Variants in ARHGAP21 observed in about 807,000 individuals in gnomAD.
ARHGAP21 encodes rho GTPase-activating protein 21.
A neutral mutation model predicts 164.6 loss-of-function variants in ARHGAP21; 38 were observed. The ratio of observed to expected loss-of-function variants is 0.23; its 90% CI spans 0.18 to 0.30. The LOEUF (loss-of-function observed/expected upper bound fraction) is 0.30. Among genes scored for constraint, ARHGAP21 ranks in the 10% least tolerant of loss-of-function variants. ARHGAP21 has a pLI of 1.00. For missense variants in ARHGAP21, 1,822 were observed against 2,370.7 expected (o/e 0.77, Z 4.81); for synonymous variants, 766 against 857.9 (o/e 0.89, Z 1.87).
chr10:24,710,766 T>C (rs1484418405), intron 2 of ARHGAP21, among the ~76,000 whole-genome samples: 3 of 152,118 alleles, frequency 2.0e-5, no homozygotes, highest in East Asian at 3.9e-4. Context: ...TTATCATCAG[T>C]TGTAGGCAAA....
At chr10:24,705,188 T>C (rs1844114891) in intron 2 of ARHGAP21, among the ~76,000 whole-genome samples, 1 of 152,224 alleles carries the variant, frequency 6.6e-6, no homozygotes, top group African/African-American at 2.4e-5. Flanking sequence ...TGCTGTAAAC[T>C]AGTCACTAAA....
In ARHGAP21 at chr10:24,594,935, A is replaced by G; in HGVS notation, c.3876+15T>C. On this transcript the variant is annotated intron_variant, in intron 21 of 25. Coordinates refer to ENST00000396432, the MANE Select transcript of ARHGAP21 (RefSeq NM_020824.4). ...GCCACTAAAAGTACATTTCTTCAAT[A>G]AGCATTTTACATACCTTATTTTTTT... 6.3e-7 allele frequency: 1 copy of G among 1,579,472 alleles called. No individual in the cohort carries two copies. Among genetic ancestry groups the G allele is most frequent in the Non-Finnish European group, 8.7e-7 (1 of 1,152,050 alleles).
intron 2 of ARHGAP21, among the ~76,000 whole-genome samples, chr10:24,681,472 A>G (rs975702896): frequency 6.6e-6 from 1 of 152,184 alleles, no homozygotes; most frequent in Non-Finnish European, 1.5e-5. Context: ...ATCTTTTGTA[A>G]TTATTTGCAC....
rs909640570 is a variant in ARHGAP21 at position 24,667,001 on chromosome 10, T to A, written c.252A>T (p.Glu84Asp). The A allele has an allele frequency of 7.1e-7, 1 of 1,415,276 alleles. No homozygotes were observed. Among genetic ancestry groups the A allele is most frequent in the Non-Finnish European group, 9.7e-7 (1 of 1,030,310 alleles). The allele number at this position is 1,415,276 out of a possible 1,614,324, so 87.7% of individuals were successfully genotyped here. ...SAIQFSYKDE[E>D]NGNRGGKQRN... ...ATAGCATACCTCCTCTGTTTCCATT[T>A]TCTTCATCCTACAAATGAAAATATA... Residue 84 changes from glutamate to aspartate, a missense_variant, in exon 4 of 26, where the codon GAA becomes GAT. Physicochemically the swap from Glu to Asp is conservative, Grantham distance 45 (BLOSUM62 2). This residue lies in a region of ARHGAP21 where 1,090 missense variants were observed against 1,378.9 expected (regional missense o/e 0.79). Coordinates refer to ENST00000396432, the MANE Select transcript of ARHGAP21 (RefSeq NM_020824.4).
intron 13 of ARHGAP21, 34 bp downstream of exon 13, chr10:24,601,944 T>A: frequency 6.7e-7 from 1 of 1,490,332 alleles, no homozygotes; most frequent in Non-Finnish European, 9.0e-7. Flanking sequence ...GGTCTGCATT[T>A]CTGACACTCA....
At chr10:24,708,824 TTTG>T (rs1844496276) in intron 2 of ARHGAP21, among the ~76,000 whole-genome samples, 1 of 152,250 alleles carries the variant, frequency 6.6e-6, no homozygotes, top group Non-Finnish European at 1.5e-5. Context: ...CCACATTGTC[TTTG>T]TCTATTCCTC....
chr10:24,595,201 GAAC>G lies in ARHGAP21; in HGVS notation c.3713-14_3713-12del, dbSNP rs745596228. On this transcript the variant is annotated splice_polypyrimidine_tract_variant and intron_variant, in intron 19 of 25. Transcript: ENST00000396432. ...AATCAGCATATTTATCTGACGACAAGAACAATAAAACAAATTTATCTTAAATTG... is the reference window on the plus strand; with the variant it reads ...AATCAGCATATTTATCTGACGACAAGAATAAAACAAATTTATCTTAAATTG... 3 of 1,603,766 alleles carry G rather than the reference GAAC, an allele frequency of 1.9e-6. No individual in the cohort carries two copies. Among genetic ancestry groups the G allele is most frequent in the Non-Finnish European group, 2.6e-6 (3 of 1,175,140 alleles).
rs1301090822 is a variant in ARHGAP21, at chr10:24,670,317, G to C, written c.144C>G (p.Pro48=). 2 of 1,609,250 alleles carry C rather than the reference G, an allele frequency of 1.2e-6. No individual in the cohort carries two copies. The highest frequency in any genetic ancestry group is 2.2e-5 in the South Asian group (2 of 90,402). Reference sequence around the variant, plus strand: ...ATGTTCTTTTCAACGTAACTGTTTTGGGACCTGGCCAGGAGAATGTTTCAT... The same window carrying C: ...ATGTTCTTTTCAACGTAACTGTTTTCGGACCTGGCCAGGAGAATGTTTCAT... ...SEDETFSWPG[P]KTVTLKRTSQ... is the part of the protein sequence containing the mutation. Residue 48 remains proline (P), a synonymous_variant, in exon 3 of 26, where the codon CCC becomes CCG. Transcript: ENST00000396432.
At chr10:24,647,608 T>C (rs1250237108) in intron 4 of ARHGAP21, among the ~76,000 whole-genome samples, 1 of 152,172 alleles carries the variant, frequency 6.6e-6, no homozygotes, top group South Asian at 2.1e-4. Context: ...TTCAAGATGG[T>C]GGTCATCATT....
intron 2 of ARHGAP21, among the ~76,000 whole-genome samples, chr10:24,710,664 G>A (rs12357257): frequency 0.18 from 27,660 of 152,102 alleles, 2,795 homozygotes; most frequent in Middle Eastern, 0.36. Flanking sequence ...AATAAATGTG[G>A]AAGGACACTT....
At chr10:24,685,830 C>T (rs182426698) in intron 2 of ARHGAP21, among the ~76,000 whole-genome samples, 5 of 152,184 alleles carry the variant, frequency 3.3e-5, no homozygotes, top group Admixed American at 2.0e-4. Flanking sequence ...GAGCCAAGAT[C>T]GCACCACTGC....
intron 2 of ARHGAP21, among the ~76,000 whole-genome samples, chr10:24,698,807 C>A (rs576009139): frequency 2.0e-5 from 3 of 152,200 alleles, no homozygotes; most frequent in Non-Finnish European, 4.4e-5. Flanking sequence ...AGCAATTATG[C>A]ATATTGTTAA....
intron 2 of ARHGAP21, among the ~76,000 whole-genome samples, chr10:24,681,809 A>G (rs564013442): frequency 1.3e-5 from 2 of 152,166 alleles, no homozygotes; most frequent in African/African-American, 4.8e-5. Flanking sequence ...GTGGCTTTTT[A>G]TTGTTGTATA....
intron 6 of ARHGAP21, among the ~76,000 whole-genome samples, chr10:24,632,103 A>C (rs1048756903): frequency 2.0e-5 from 3 of 152,226 alleles, no homozygotes; most frequent in African/African-American, 7.2e-5. Context: ...AACTGCAGAC[A>C]GAAGAAAAAC....
rs999370140 is a variant in ARHGAP21, at chr10:24,722,290, G to C, written c.-380-11C>G. Reference sequence around the variant, plus strand: ...GCTCCTAGAGAGATCCTAGGAAAACGAGAAGTTAAAGGTCATGAACTTTCT... The same window carrying C: ...GCTCCTAGAGAGATCCTAGGAAAACCAGAAGTTAAAGGTCATGAACTTTCT... On this transcript the variant is annotated splice_polypyrimidine_tract_variant and intron_variant, in intron 1 of 25. Transcript: ENST00000396432. 4.1e-5 allele frequency: 9 copies of C among 217,244 alleles called. No individual in the cohort carries two copies. Among genetic ancestry groups the C allele is most frequent in the Non-Finnish European group, 6.7e-5 (7 of 105,100 alleles). 13.5% of individuals were successfully genotyped at this position (217,244 alleles called of 1,614,324 possible). A position where few individuals can be genotyped will look rare whatever the true frequency, so the allele number is the denominator to read the frequency against.
At chr10:24,711,158 GAAAAAGAGAA>G (rs1172050725) in intron 2 of ARHGAP21, among the ~76,000 whole-genome samples, 1 of 134,968 alleles carries the variant, frequency 7.4e-6, no homozygotes, top group Non-Finnish European at 1.6e-5. Flanking sequence ...GGGTGGGAGG[GAAAAAGAGAA>G]AGAAAGAGAG....
intron 5 of ARHGAP21, among the ~76,000 whole-genome samples, 159 bp downstream of exon 5, chr10:24,634,852 A>G (rs1836209631): frequency 6.6e-6 from 1 of 152,234 alleles, no homozygotes; most frequent in South Asian, 2.1e-4. Flanking sequence ...ATGGGCACCA[A>G]GAAACATAAT....
chr10:24,690,726 G>A (rs549265905), intron 2 of ARHGAP21, among the ~76,000 whole-genome samples: 16 of 152,002 alleles, frequency 1.1e-4, no homozygotes, highest in African/African-American at 3.6e-4. Context: ...TACTCAGGAC[G>A]CTGAGGCAAA....
chr10:24,700,008 A>G (rs1343513486), intron 2 of ARHGAP21, among the ~76,000 whole-genome samples: 1 of 152,140 alleles, frequency 6.6e-6, no homozygotes, highest in Non-Finnish European at 1.5e-5. Flanking sequence ...GCTGAAGGCC[A>G]ATAGCTGTGA....
Sources: allele counts gnomAD v4.1 joint callset (sites outside exome capture counted in the v4.1 genomes callset), GRCh38; gene constraint gnomAD v4.1.1; regional missense constraint gnomAD v4.1.1; transcripts MANE v1.5; gene names NCBI Gene and HGNC (gene_info 2026-07-23, HGNC 2026-07-21).